The following HIPK2 variants were observed in gnomAD, a reference collection of about 807,000 sequenced individuals.
HIPK2 encodes homeodomain-interacting protein kinase 2.
In HIPK2, 27 loss-of-function variants were observed where a neutral mutation model predicts 113.7. The ratio of observed to expected loss-of-function variants is 0.24; its 90% CI spans 0.17 to 0.33. The LOEUF (loss-of-function observed/expected upper bound fraction) is 0.33. Among genes scored for constraint, HIPK2 ranks in the 10% least tolerant of loss-of-function variants. The pLI is 1.00. For missense variants in HIPK2, 1,257 were observed against 1,588.0 expected (o/e 0.79, Z 3.54); for synonymous variants, 631 against 642.2 (o/e 0.98, Z 0.26).
At chr7:139,701,025 T>C (rs1194712081) in intron 2 of HIPK2, among the ~76,000 whole-genome samples, 1 of 152,250 alleles carries the variant, frequency 6.6e-6, no homozygotes, top group East Asian at 1.9e-4. Flanking sequence ...AAAATCTATC[T>C]TCAATCTTTC....
At position 139,743,082 on chromosome 7, in the gene HIPK2, C is replaced by T. The variant is rs531936857; in HGVS notation, c.20-26067G>A. Among the ~76,000 whole-genome samples the T allele has an allele frequency of 7.9e-4, 121 of 152,286 alleles. 1 individual carries two copies. Among genetic ancestry groups the T allele is most frequent in the African/African-American group, 2.7e-3 (112 of 41,566 alleles). On this transcript the variant is annotated intron_variant, in intron 1 of 14. Transcript: ENST00000406875. ...AAGGCCTTCACTGCTTTGCAGGCACCTCTTCCCCAGGTGTGCAGGAAGAGA... is the reference window on the plus strand; with the variant it reads ...AAGGCCTTCACTGCTTTGCAGGCACTTCTTCCCCAGGTGTGCAGGAAGAGA...
intron 1 of HIPK2, among the ~76,000 whole-genome samples, chr7:139,751,589 T>TGG (rs1796279802): frequency 6.9e-6 from 1 of 144,888 alleles, no homozygotes; most frequent in South Asian, 2.2e-4. Flanking sequence ...GTTGGATGGA[T>TGG]AGATGGATGG....
chr7:139,616,896 T>C (rs1800067816), intron 7 of HIPK2, among the ~76,000 whole-genome samples: 1 of 152,222 alleles, frequency 6.6e-6, no homozygotes, highest in Non-Finnish European at 1.5e-5. Flanking sequence ...TTGATTAAAC[T>C]ATTTTTGCTT....
At chr7:139,616,200 T>C (rs535839534) in intron 7 of HIPK2, among the ~76,000 whole-genome samples, 80 of 152,324 alleles carry the variant, frequency 5.3e-4, no homozygotes, top group African/African-American at 1.8e-3. Flanking sequence ...TCCTTCCTGA[T>C]GTCCCTGGAA....
At chr7:139,691,498 T>G (rs1794404882) in intron 2 of HIPK2, among the ~76,000 whole-genome samples, 1 of 152,234 alleles carries the variant, frequency 6.6e-6, no homozygotes, top group South Asian at 2.1e-4. Flanking sequence ...GAGTAATATG[T>G]GGCTTGGAAT....
At position 139,572,438 on chromosome 7, in the gene HIPK2, T is replaced by A. The variant is rs1294709242; in HGVS notation, c.*489A>T. The stretch of plus-strand genomic sequence containing the variant: ...ATCTATTTGATTTCCATATCAGGTG[T>A]CCCTGACAGCAGTCTTCCGTATCAC... On this transcript the variant is annotated 3_prime_UTR_variant, in exon 15 of 15. Transcript: ENST00000406875. 4 of 153,036 alleles carry A rather than the reference T, an allele frequency of 2.6e-5. No individual in the cohort carries two copies. The highest frequency in any genetic ancestry group is 9.6e-5 in the African/African-American group (4 of 41,486). The allele number at this position is 153,036 out of a possible 1,614,324, so 9.5% of individuals were successfully genotyped here.
chr7:139,666,296 T>C (rs576429969), intron 2 of HIPK2, among the ~76,000 whole-genome samples: 1 of 152,288 alleles, frequency 6.6e-6, no homozygotes, highest in Admixed American at 6.5e-5. Context: ...CCAGCTACCA[T>C]GGGTTCAGGC....
chr7:139,590,815 T>C (rs1798993723), intron 12 of HIPK2, among the ~76,000 whole-genome samples: 1 of 152,196 alleles, frequency 6.6e-6, no homozygotes, highest in Non-Finnish European at 1.5e-5. Context: ...AAAATCTTCA[T>C]TTTAATATGG....
rs1797991708 is a variant in HIPK2, at chr7:139,563,058, A to C, written c.*9869T>G. 7.5e-6 allele frequency: 1 copy of C among 133,832 alleles called. No individual in the cohort carries two copies. Among genetic ancestry groups the C allele is most frequent in the Admixed American group, 8.0e-5 (1 of 12,524 alleles). The allele number at this position is 133,832 out of a possible 1,614,324, so 8.3% of individuals were successfully genotyped here. A position where few individuals can be genotyped will look rare whatever the true frequency, so the allele number is the denominator to read the frequency against. On this transcript the variant is annotated 3_prime_UTR_variant, in exon 15 of 15. Coordinates refer to ENST00000406875, the MANE Select transcript of HIPK2 (RefSeq NM_022740.5). Reference sequence around the variant, plus strand: ...AGCTTGAAGTGAGCAGGAACACAAAAGGGAGGAGAGCAGAAACGGGGGACC... The same window carrying C: ...AGCTTGAAGTGAGCAGGAACACAAACGGGAGGAGAGCAGAAACGGGGGACC...
chr7:139,571,923 T>C lies in HIPK2; in HGVS notation c.*1004A>G, dbSNP rs1798295092. 1 of 152,224 alleles carries C rather than the reference T, an allele frequency of 6.6e-6. No individual in the cohort carries two copies. Among genetic ancestry groups the C allele is most frequent in the African/African-American group, 2.4e-5 (1 of 41,460 alleles). 9.4% of individuals were successfully genotyped at this position (152,224 alleles called of 1,614,324 possible). A position where few individuals can be genotyped will look rare whatever the true frequency, so the allele number is the denominator to read the frequency against. ...CACCCGCACACCTGCACCGCCACATTGGTTACATGCCTATGTTATATCGCT... is the reference window on the plus strand; with the variant it reads ...CACCCGCACACCTGCACCGCCACATCGGTTACATGCCTATGTTATATCGCT... On this transcript the variant is annotated 3_prime_UTR_variant, in exon 15 of 15. Transcript: ENST00000406875.
At chr7:139,588,046 A>G (rs1269900911) in intron 12 of HIPK2, among the ~76,000 whole-genome samples, 2 of 151,848 alleles carry the variant, frequency 1.3e-5, no homozygotes, top group Non-Finnish European at 2.9e-5. Context: ...TGCTGGGTGC[A>G]GTGGCTCACA....
intron 2 of HIPK2, among the ~76,000 whole-genome samples, chr7:139,711,294 C>T (rs751100405): frequency 1.3e-5 from 2 of 152,050 alleles, no homozygotes; most frequent in Non-Finnish European, 1.5e-5. Context: ...CAGGCGTGGT[C>T]ATGGGCGCCT....
At chr7:139,582,106 G>A (rs896357470) in intron 13 of HIPK2, among the ~76,000 whole-genome samples, 1 of 152,200 alleles carries the variant, frequency 6.6e-6, no homozygotes, top group Admixed American at 6.5e-5. Context: ...TCCTGGCAGG[G>A]TTTCCACCAA....
intron 9 of HIPK2, among the ~76,000 whole-genome samples, chr7:139,611,353 C>A (rs1440453448): frequency 2.0e-5 from 3 of 152,058 alleles, no homozygotes. Context: ...TCATATCAAG[C>A]ACATGAGCAA....
chr7:139,572,744 G>A lies in HIPK2; in HGVS notation c.*183C>T, dbSNP rs1467352793. 8 of 478,586 alleles carry A rather than the reference G, an allele frequency of 1.7e-5. No homozygotes were observed. Among genetic ancestry groups the A allele is most frequent in the Non-Finnish European group, 2.8e-5 (8 of 288,022 alleles). 29.6% of individuals were successfully genotyped at this position (478,586 alleles called of 1,614,324 possible). A position where few individuals can be genotyped will look rare whatever the true frequency, so the allele number is the denominator to read the frequency against. Reference sequence around the variant, plus strand: ...CCGGTTCAAGTTTCACTGGTGTCCCGACCCGTCCCCCTGCCCTCTGCCCCC... The same window carrying A: ...CCGGTTCAAGTTTCACTGGTGTCCCAACCCGTCCCCCTGCCCTCTGCCCCC... On this transcript the variant is annotated 3_prime_UTR_variant, in exon 15 of 15. Transcript: ENST00000406875.
At chr7:139,737,848 T>A (rs545047989) in intron 1 of HIPK2, among the ~76,000 whole-genome samples, 1 of 152,370 alleles carries the variant, frequency 6.6e-6, no homozygotes, top group South Asian at 2.1e-4. Context: ...AAATCTTTTC[T>A]GCTGATTTAA....
intron 2 of HIPK2, among the ~76,000 whole-genome samples, chr7:139,667,018 T>A (rs1048627474): frequency 6.6e-6 from 1 of 151,850 alleles, no homozygotes; most frequent in Non-Finnish European, 1.5e-5. Context: ...TGAGCCGAGA[T>A]TGCGCCACTG....
intron 11 of HIPK2, among the ~76,000 whole-genome samples, chr7:139,597,816 G>A (rs1393565100): frequency 1.3e-5 from 2 of 152,018 alleles, no homozygotes; most frequent in African/African-American, 4.8e-5. Context: ...TAACTTTAGG[G>A]GAAAAATACT....
chr7:139,658,821 A>G (rs531574963), intron 2 of HIPK2, among the ~76,000 whole-genome samples: 5 of 152,344 alleles, frequency 3.3e-5, no homozygotes, highest in African/African-American at 1.2e-4. Flanking sequence ...TTATATTGGA[A>G]GGCCAGTTCT....
Sources: gnomAD v4.1 joint callset for allele counts (sites outside exome capture counted in the v4.1 genomes callset) on GRCh38, gnomAD v4.1.1 for gene constraint, MANE v1.5 for transcripts, NCBI Gene and HGNC (gene_info 2026-07-23, HGNC 2026-07-21) for gene names.